The following TAOK3 variants were observed in gnomAD, a reference collection of about 807,000 sequenced individuals.
The protein encoded by TAOK3 is serine/threonine-protein kinase TAO3.
A neutral mutation model predicts 120.4 loss-of-function variants in TAOK3; 40 were observed. That is an observed-to-expected ratio of 0.33 (90% confidence interval 0.26 to 0.43). The LOEUF is 0.43. TAOK3 is among the 20% of genes least tolerant of loss of function. The pLI is 1.00. For synonymous variants in TAOK3, 355 were observed against 387.5 expected (o/e 0.92, Z 0.99); for missense variants, 821 against 1,112.1 (o/e 0.74, Z 3.72).
At chr12:118,184,458 CT>C (rs1329812504) in intron 14 of TAOK3, among the ~76,000 whole-genome samples, 1 of 152,110 alleles carries the variant, frequency 6.6e-6, no homozygotes, top group Non-Finnish European at 1.5e-5. Flanking sequence ...TAGCTGATAA[CT>C]TTTTCATGCA....
rs749649023 is a variant in TAOK3 at position 118,371,802 on chromosome 12, C to T, written c.-194+846G>A. Among the ~76,000 whole-genome samples, 2 of 152,050 alleles carry T rather than the reference C, an allele frequency of 1.3e-5. No individual in the cohort carries two copies. The highest frequency in any genetic ancestry group is 1.9e-4 in the East Asian group (1 of 5,154). On this transcript the variant is annotated intron_variant, in intron 1 of 20. Coordinates refer to ENST00000392533, the MANE Select transcript of TAOK3 (RefSeq NM_016281.4). This position sits in a 1 kb window ranked among gnomAD's most constrained non-coding sequence, Gnocchi z 5.5. ...CCGCACCCATGGGGCACCGCTCCTC[C>T]CTCGGGGTCCGCGCCTGCACCCGAC... is the stretch of plus-strand genomic sequence containing the variant.
chr12:118,317,680 T>C (rs1266924358), intron 1 of TAOK3, among the ~76,000 whole-genome samples: 21 of 152,116 alleles, frequency 1.4e-4, no homozygotes, highest in Non-Finnish European at 1.5e-5. Flanking sequence ...GGTGACAATA[T>C]GACTCCAAAC....
At chr12:118,268,548 T>C (rs2041557202) in intron 1 of TAOK3, among the ~76,000 whole-genome samples, 1 of 152,228 alleles carries the variant, frequency 6.6e-6, no homozygotes, top group Admixed American at 6.5e-5. Flanking sequence ...TCAGATTAAC[T>C]GGTAGCTAAA....
chr12:118,197,812 C>A (rs1017639750), intron 13 of TAOK3, among the ~76,000 whole-genome samples: 3 of 151,630 alleles, frequency 2.0e-5, no homozygotes, highest in Non-Finnish European at 2.9e-5. Flanking sequence ...CTCAGCCTCC[C>A]GAGTAGCTGG....
chr12:118,243,631 T>C (rs2040350492), intron 4 of TAOK3, 115 bp from the exon 5 acceptor site: 3 of 461,294 alleles, frequency 6.5e-6, no homozygotes, highest in Non-Finnish European at 1.1e-5. Flanking sequence ...AAAGTAAATG[T>C]TTAATAAATG....
At chr12:118,312,014 G>A (rs1053025672) in intron 1 of TAOK3, among the ~76,000 whole-genome samples, 4 of 152,148 alleles carry the variant, frequency 2.6e-5, no homozygotes, top group African/African-American at 9.7e-5. Flanking sequence ...CATGGGTGGA[G>A]AATTGAGGAA....
intron 14 of TAOK3, among the ~76,000 whole-genome samples, chr12:118,182,015 T>C (rs577259451): frequency 1.3e-5 from 2 of 152,172 alleles, no homozygotes; most frequent in African/African-American, 4.8e-5. Flanking sequence ...TAAAACCCCG[T>C]CTCTACTAAA....
At chr12:118,275,112 T>TA (rs1006942799) in intron 1 of TAOK3, among the ~76,000 whole-genome samples, 11 of 152,264 alleles carry the variant, frequency 7.2e-5, no homozygotes, top group African/African-American at 2.6e-4. Context: ...TTTTGCACTA[T>TA]AACTTTTTTT....
chr12:118,219,057 A>G (rs1408402838), intron 9 of TAOK3, among the ~76,000 whole-genome samples: 2 of 152,198 alleles, frequency 1.3e-5, no homozygotes, highest in African/African-American at 2.4e-5. Context: ...ATCCTTAAAC[A>G]TAGTCTCTTG....
In TAOK3 at chr12:118,238,165, A is replaced by C; in HGVS notation, c.345T>G (p.His115Gln). 1 of 1,603,072 alleles carries C rather than the reference A, an allele frequency of 6.2e-7. No individual in the cohort carries two copies. Among genetic ancestry groups the C allele is most frequent in the South Asian group, 1.1e-5 (1 of 89,790 alleles). ...LGSASDLLEV[H>Q]KKPLQEVEIA... ...TCTCCACTTCCTGAAGTGGTTTTTTATGAACTGAGGAAGGAAAAAAAAAAA... is the reference window on the plus strand; with the variant it reads ...TCTCCACTTCCTGAAGTGGTTTTTTCTGAACTGAGGAAGGAAAAAAAAAAA... The change falls in exon 7 of 21, where the codon CAT becomes CAG. Residue 115 changes from histidine to glutamine, a missense_variant. Physicochemically the swap from His to Gln is conservative, Grantham distance 24. Coordinates refer to ENST00000392533, the MANE Select transcript of TAOK3 (RefSeq NM_016281.4).
At chr12:118,338,959 T>C (rs2141099167) in intron 1 of TAOK3, among the ~76,000 whole-genome samples, 1 of 152,116 alleles carries the variant, frequency 6.6e-6, no homozygotes, top group South Asian at 2.1e-4. Flanking sequence ...AACATTCAAA[T>C]GCACAATGTG....
chr12:118,285,968 G>A (rs1217607713), intron 1 of TAOK3, among the ~76,000 whole-genome samples: 6 of 152,292 alleles, frequency 3.9e-5, no homozygotes, highest in Non-Finnish European at 1.5e-5. Flanking sequence ...AGGTAGGTAA[G>A]AGACTAATGG....
At chr12:118,313,678 A>G (rs16948247) in intron 1 of TAOK3, among the ~76,000 whole-genome samples, 1 of 152,220 alleles carries the variant, frequency 6.6e-6, no homozygotes, top group Non-Finnish European at 1.5e-5. Context: ...TGTATCAGAC[A>G]CTTGAATAGT....
intron 2 of TAOK3, among the ~76,000 whole-genome samples, chr12:118,256,777 C>G (rs1337388765): frequency 6.6e-6 from 1 of 152,060 alleles, no homozygotes; most frequent in Non-Finnish European, 1.5e-5. Context: ...AGGGTGATAG[C>G]TAAAAGATAC....
rs181598303 is a variant in TAOK3 at position 118,366,546 on chromosome 12, T to C, written c.-194+6102A>G. The stretch of plus-strand genomic sequence containing the variant: ...TGAGTGGAAATAAAAGGTTCTCTTA[T>C]TGACACTCAAAAATAGTGGAAGAAA... On this transcript the variant is annotated intron_variant, in intron 1 of 20. Coordinates refer to ENST00000392533, the MANE Select transcript of TAOK3 (RefSeq NM_016281.4). Among the ~76,000 whole-genome samples the C allele has an allele frequency of 9.3e-4, 142 of 152,298 alleles. 2 individuals carry two copies. The highest frequency in any genetic ancestry group is 1.9e-4 in the Non-Finnish European group (13 of 68,018).
intron 9 of TAOK3, among the ~76,000 whole-genome samples, chr12:118,216,565 A>G (rs888609018): frequency 6.6e-6 from 1 of 152,252 alleles, no homozygotes; most frequent in African/African-American, 2.4e-5. Flanking sequence ...GATCAAAGGA[A>G]AGAAACAAGG....
In TAOK3 at chr12:118,150,807, G is replaced by T. The variant is rs906471618; in HGVS notation, c.*190C>A. Reference sequence around the variant, plus strand: ...TTTGGCCAGCACTGAAAGTTGACACGGGGGGAGGAAGGGGGCCCCTGATGG... The same window carrying T: ...TTTGGCCAGCACTGAAAGTTGACACTGGGGGAGGAAGGGGGCCCCTGATGG... On this transcript the variant is annotated 3_prime_UTR_variant, in exon 21 of 21. Coordinates refer to ENST00000392533, the MANE Select transcript of TAOK3 (RefSeq NM_016281.4). 5.0e-6 allele frequency: 3 copies of T among 599,962 alleles called. No individual in the cohort carries two copies. Among genetic ancestry groups the T allele is most frequent in the Non-Finnish European group, 8.5e-6 (3 of 354,936 alleles). The allele number at this position is 599,962 out of a possible 1,614,324, so 37.2% of individuals were successfully genotyped here. A position where few individuals can be genotyped will look rare whatever the true frequency, so the allele number is the denominator to read the frequency against.
intron 17 of TAOK3, among the ~76,000 whole-genome samples, chr12:118,168,957 T>TTTCCTTCCTTCCTTCCTTCCTTCCTTCC (rs150570843): frequency 2.6e-4 from 39 of 147,668 alleles, no homozygotes; most frequent in African/African-American, 7.3e-4. Context: ...GCTTGCTTGC[T>TTTCCTTCCTTCCTTCCTTCCTTCCTTCC]TTCCTTCCTT....
chr12:118,150,977 A>C lies in TAOK3; in HGVS notation c.*20T>G. On this transcript the variant is annotated 3_prime_UTR_variant, in exon 21 of 21. Coordinates refer to ENST00000392533, the MANE Select transcript of TAOK3 (RefSeq NM_016281.4). The stretch of plus-strand genomic sequence containing the variant: ...TTTTCTTTTTTTTTTTTTTTTTTGT[A>C]AATGGCAAAAAATTTAATCTCATCT... The C allele has an allele frequency of 8.0e-7, 1 of 1,243,304 alleles. No individual in the cohort carries two copies. Among genetic ancestry groups the C allele is most frequent in the East Asian group, 3.0e-5 (1 of 33,394 alleles). 77.0% of individuals were successfully genotyped at this position (1,243,304 alleles called of 1,614,324 possible).
Sources: gnomAD v4.1 joint callset for allele counts (sites outside exome capture counted in the v4.1 genomes callset) on GRCh38, gnomAD v4.1.1 for gene constraint, Gnocchi (gnomAD v3.1) non-coding constraint, MANE v1.5 for transcripts, NCBI Gene and HGNC (gene_info 2026-07-23, HGNC 2026-07-21) for gene names.